HERC2: variants seen among roughly 807,000 people sequenced by gnomAD.
HERC2 encodes the protein HECT and RLD domain containing E3 ubiquitin protein ligase 2.
In HERC2, 102 loss-of-function variants were observed where a neutral mutation model predicts 537.7. The ratio of observed to expected loss-of-function variants is 0.19; its 90% CI spans 0.16 to 0.22. HERC2 has a LOEUF of 0.22. Ranked by LOEUF, HERC2 falls within the 10% of genes least tolerant of loss-of-function variation. The pLI is 1.00. For missense variants in HERC2, 4,236 were observed against 6,198.2 expected (o/e 0.68, Z 10.63); for synonymous variants, 2,224 against 2,466.2 (o/e 0.90, Z 2.91).
chr15:28,252,338 G>T (rs182960492), intron 20 of HERC2, among the ~76,000 whole-genome samples: 1 of 151,894 alleles, frequency 6.6e-6, no homozygotes, highest in Non-Finnish European at 1.5e-5. Flanking sequence ...CACTGCCCTC[G>T]TGAGAACAAA....
intron 69 of HERC2, among the ~76,000 whole-genome samples, chr15:28,155,336 G>A (rs1892886685): frequency 6.6e-6 from 1 of 152,218 alleles, no homozygotes; most frequent in African/African-American, 2.4e-5. Flanking sequence ...CTGAGGAATC[G>A]CCACACTGTG....
At chr15:28,166,622 G>C (rs1031474732) in intron 68 of HERC2, among the ~76,000 whole-genome samples, 66 of 152,210 alleles carry the variant, frequency 4.3e-4, no homozygotes, top group Non-Finnish European at 1.5e-4. Context: ...CTAGAGCACA[G>C]TTGTGCCAGA....
At position 28,113,347 on chromosome 15, in the gene HERC2, G is replaced by T; in HGVS notation, c.14020-64C>A. 2 of 1,513,208 alleles carry T rather than the reference G, an allele frequency of 1.3e-6. No homozygotes were observed. The highest frequency in any genetic ancestry group is 1.8e-6 in the Non-Finnish European group (2 of 1,094,594). 93.7% of individuals were successfully genotyped at this position (1,513,208 alleles called of 1,614,324 possible). On this transcript the variant is annotated intron_variant, in intron 91 of 92. Transcript: ENST00000261609. This position sits in a 1 kb window ranked among gnomAD's most constrained non-coding sequence, Gnocchi z 7.0. ...CACCCTGGCATTTCCGCAAGACTCC[G>T]TCACGCTCCCTCTCTACACCAAGGC...
intron 4 of HERC2, among the ~76,000 whole-genome samples, chr15:28,287,918 G>GTTT (rs1168689560): frequency 6.6e-6 from 1 of 151,810 alleles, no homozygotes. Context: ...TAGAGACGCT[G>GTTT]TTTCACCGTG....
chr15:28,285,165 T>C (rs371804343), intron 4 of HERC2, among the ~76,000 whole-genome samples: 1 of 152,112 alleles, frequency 6.6e-6, no homozygotes, highest in African/African-American at 2.4e-5. Context: ...TGCCAAGATA[T>C]AGAATTCAAC....
At chr15:28,257,376 C>G (rs1411817829) in intron 16 of HERC2, 115 bp from the exon 17 acceptor site, 4 of 811,350 alleles carry the variant, frequency 4.9e-6, no homozygotes, top group Non-Finnish European at 8.0e-6. Context: ...TATCATCCCT[C>G]GAACTGCCCA....
chr15:28,175,712 T>C, intron 63 of HERC2, 56 bp from the exon 64 acceptor site: 7 of 1,562,790 alleles, frequency 4.5e-6, no homozygotes, highest in Non-Finnish European at 6.2e-6. Flanking sequence ...GACAATGCTA[T>C]ACAAGAAGAC....
At chr15:28,318,785 A>G (rs559819080) in intron 2 of HERC2, among the ~76,000 whole-genome samples, 280 of 151,802 alleles carry the variant, frequency 1.8e-3, no homozygotes, top group African/African-American at 6.6e-3. Context: ...AGTGCTCTCT[A>G]TAACACACAA....
intron 16 of HERC2, among the ~76,000 whole-genome samples, chr15:28,257,811 G>A (rs1368154868): frequency 1.3e-5 from 2 of 151,118 alleles, no homozygotes; most frequent in African/African-American, 4.9e-5. Context: ...CTCCCAAGTA[G>A]CTGGGACTAC....
At chr15:28,189,915 A>G (rs893816450) in intron 55 of HERC2, among the ~76,000 whole-genome samples, 3 of 152,194 alleles carry the variant, frequency 2.0e-5, no homozygotes, top group African/African-American at 7.2e-5. Flanking sequence ...GAATACAAAA[A>G]TCAACTATTT....
Position 28,194,847 on chromosome 15 carries a change from G to C in HERC2, c.8260+1368C>G, listed in dbSNP as rs552598107. On this transcript the variant is annotated intron_variant, in intron 52 of 92. Coordinates refer to ENST00000261609, the MANE Select transcript of HERC2 (RefSeq NM_004667.6). ...GAGGTGGGTGGATCACCTGAGGTCA[G>C]GAGTTCAAGAGCAGCCTGGCCAACA... 1.3e-3 allele frequency among the ~76,000 whole-genome samples: 192 copies of C among 152,194 alleles called. 3 individuals are homozygous for C. In the South Asian group the frequency reaches 0.021, roughly 17 times the overall value.
At chr15:28,167,575 C>T (rs952829064) in intron 68 of HERC2, 112 bp downstream of exon 68, 13 of 1,305,494 alleles carry the variant, frequency 1.0e-5, no homozygotes, top group Admixed American at 6.1e-5. Context: ...AGTGGACAGC[C>T]GAGGTGAATG....
chr15:28,180,945 C>A (rs1258768734), intron 57 of HERC2, among the ~76,000 whole-genome samples: 1 of 152,166 alleles, frequency 6.6e-6, no homozygotes, highest in East Asian at 1.9e-4. Flanking sequence ...ATCCACAGAT[C>A]TTGGTATCCA....
chr15:28,220,497 C>G lies in HERC2; in HGVS notation c.5800G>C (p.Ala1934Pro), dbSNP rs1488363992. ...GAATCCTCTGCTGAGGGCTGTGCAG[C>G]AGCCGGCAGCTCTGCCAGCTTGAGG... ...YDLKLAELPA[A>P]AQPSAEDSDT... The change falls in exon 37 of 93, where the codon GCT becomes CCT. Residue 1934 changes from alanine to proline, a missense_variant. Physicochemically the swap from Ala to Pro is conservative, Grantham distance 27. This residue lies in a region of HERC2 where 365 missense variants were observed against 468.8 expected (regional missense o/e 0.78). Coordinates refer to ENST00000261609, the MANE Select transcript of HERC2 (RefSeq NM_004667.6). 4 of 1,604,542 alleles carry G rather than the reference C, an allele frequency of 2.5e-6. No individual in the cohort carries two copies. The highest frequency in any genetic ancestry group is 3.3e-5 in the Admixed American group (2 of 59,998).
intron 19 of HERC2, among the ~76,000 whole-genome samples, chr15:28,255,229 G>A (rs947276354): frequency 2.0e-5 from 3 of 152,128 alleles, no homozygotes; most frequent in African/African-American, 7.2e-5. Context: ...CTGCAAAACA[G>A]GAGGCTGAGG....
rs1283702863 is a variant in HERC2, at chr15:28,245,564, TATACACACACAC to T, written c.3577+305_3577+316del. On this transcript the variant is annotated intron_variant, in intron 23 of 92. Transcript: ENST00000261609. Reference sequence around the variant, plus strand: ...GTAGTGTCAAAAAAAAAAAAAAATATATACACACACACACACACACACACACACACACACACA... The same window carrying T: ...GTAGTGTCAAAAAAAAAAAAAAATATACACACACACACACACACACACACA... Among the ~76,000 whole-genome samples, 98 of 108,960 alleles carry T rather than the reference TATACACACACAC, an allele frequency of 9.0e-4. 2 individuals carry two copies. The highest frequency in any genetic ancestry group is 4.3e-3 in the East Asian group (12 of 2,762). 71.5% of individuals were successfully genotyped at this position (108,960 alleles called of 152,430 possible).
chr15:28,141,355 G>T, intron 78 of HERC2, 77 bp downstream of exon 78: 1 of 1,279,480 alleles, frequency 7.8e-7, no homozygotes, highest in Non-Finnish European at 1.1e-6. Flanking sequence ...CCTTGCACGT[G>T]CTAAGAACCA....
At chr15:28,200,306 A>C (rs1429230848) in intron 48 of HERC2, among the ~76,000 whole-genome samples, 1 of 152,124 alleles carries the variant, frequency 6.6e-6, no homozygotes, top group Non-Finnish European at 1.5e-5. Flanking sequence ...GAGGCAGGAG[A>C]ATGGCATGAA....
chr15:28,295,310 G>T (rs57135799), intron 3 of HERC2, among the ~76,000 whole-genome samples: 49 of 4,582 alleles, frequency 0.011, no homozygotes, highest in Middle Eastern at 0.026. Flanking sequence ...CATGTGTGTG[G>T]GGGGGGGGGA....
Sources: gnomAD v4.1 joint callset for allele counts (sites outside exome capture counted in the v4.1 genomes callset) on GRCh38, gnomAD v4.1.1 for gene constraint, gnomAD v4.1.1 regional missense constraint, Gnocchi (gnomAD v3.1) non-coding constraint, MANE v1.5 for transcripts, NCBI Gene and HGNC (gene_info 2026-07-23, HGNC 2026-07-21) for gene names.